Variants in ELAC2 observed in about 807,000 individuals in gnomAD.
ELAC2 encodes zinc phosphodiesterase ELAC protein 2.
In ELAC2, 92 loss-of-function variants were observed where a neutral mutation model predicts 105.2. The ratio of observed to expected loss-of-function variants is 0.87; its 90% CI spans 0.74 to 1.04. The LOEUF is 1.04. Ranked by LOEUF, ELAC2 falls within the 50% of genes least tolerant of loss-of-function variation. The pLI is 0.00. For synonymous variants in ELAC2, 468 were observed against 409.1 expected (o/e 1.14, Z -1.74); for missense variants, 1,099 against 1,071.7 (o/e 1.03, Z -0.36).
At chr17:12,998,220 C>T (rs573893745) in intron 16 of ELAC2, among the ~76,000 whole-genome samples, 192 bp downstream of exon 16, 40 of 140,180 alleles carry the variant, frequency 2.9e-4, no homozygotes, top group African/African-American at 9.4e-4. Flanking sequence ...TTTGGTGATT[C>T]CCAGGGTAAA....
intron 14 of ELAC2, among the ~76,000 whole-genome samples, chr17:13,001,525 T>TAAA (rs1281160487): frequency 6.6e-6 from 1 of 150,804 alleles, no homozygotes; most frequent in African/African-American, 2.4e-5. Flanking sequence ...AATAAATAAA[T>TAAA]TAATTAATTA....
Position 12,994,946 on chromosome 17 carries a change from G to A in ELAC2, c.1908+17C>T, listed in dbSNP as rs1488491273. The A allele has an allele frequency of 1.2e-6, 2 of 1,614,042 alleles. No individual in the cohort carries two copies. Among genetic ancestry groups the A allele is most frequent in the Non-Finnish European group, 1.7e-6 (2 of 1,180,050 alleles). Reference sequence around the variant, plus strand: ...TCCCCACCTCGCCCCCATGATGCCTGCGGCTGTGCCCCTTACCTCTTCCAA... The same window carrying A: ...TCCCCACCTCGCCCCCATGATGCCTACGGCTGTGCCCCTTACCTCTTCCAA... On this transcript the variant is annotated intron_variant, in intron 20 of 23. Coordinates refer to ENST00000338034, the MANE Select transcript of ELAC2 (RefSeq NM_018127.7).
At chr17:12,995,461 A>C (rs1371658570) in intron 19 of ELAC2, among the ~76,000 whole-genome samples, 1 of 152,268 alleles carries the variant, frequency 6.6e-6, no homozygotes, top group Non-Finnish European at 1.5e-5. Flanking sequence ...TTTAGAAAGC[A>C]GCTCAGAACT....
chr17:13,016,745 CAAAAAAAAAA>C, intron 3 of ELAC2, 107 bp downstream of exon 3: 6 of 648,558 alleles, frequency 9.3e-6, no homozygotes, highest in Middle Eastern at 4.2e-4. Flanking sequence ...ACGCCACTGA[CAAAAAAAAAA>C]AAAAAAAAAA....
At chr17:13,009,582 TA>T (rs1432157379) in intron 8 of ELAC2, among the ~76,000 whole-genome samples, 1 of 150,444 alleles carries the variant, frequency 6.6e-6, no homozygotes, top group Non-Finnish European at 1.5e-5. Flanking sequence ...GGGAATGAAA[TA>T]AAGTAAAACA....
Position 13,005,783 on chromosome 17 carries a change from G to T in ELAC2, c.840C>A (p.Asp280Glu), listed in dbSNP as rs369092504. Residue 280 changes from aspartate (D) to glutamate (E), a missense_variant, in exon 10 of 24, where the codon GAC becomes GAA. Asp to Glu is a conservative substitution (Grantham distance 45). Transcript: ENST00000338034. ...TTCCTTCATGAGTGATGCTTTTCCC[G>T]TCCTTGACAGCAGCAATGATGGGAG... Reference protein sequence around the residue: ...AIAPIIAAVKDGKSITHEGRE... With the variant: ...AIAPIIAAVKEGKSITHEGRE... The T allele has an allele frequency of 6.2e-7, 1 of 1,614,042 alleles. No individual in the cohort carries two copies. The highest frequency in any genetic ancestry group is 8.5e-7 in the Non-Finnish European group (1 of 1,180,024).
At chr17:12,998,164 C>T (rs144332060) in intron 16 of ELAC2, among the ~76,000 whole-genome samples, 38 of 152,246 alleles carry the variant, frequency 2.5e-4, no homozygotes, top group African/African-American at 8.7e-4. Context: ...AGGTGTACTG[C>T]CCACAGTAAA....
chr17:12,997,531 G>A (rs1478837289), intron 16 of ELAC2, among the ~76,000 whole-genome samples: 1 of 152,142 alleles, frequency 6.6e-6, no homozygotes, highest in Non-Finnish European at 1.5e-5. Context: ...CAGGGTGTCA[G>A]GTCAAACTCA....
chr17:13,011,956 T>G (rs544370235), intron 6 of ELAC2, among the ~76,000 whole-genome samples, 174 bp from the exon 7 acceptor site: 24 of 152,342 alleles, frequency 1.6e-4, no homozygotes, highest in African/African-American at 5.8e-4. Flanking sequence ...GCTGCACCTA[T>G]GTCCTATTAA....
chr17:13,003,578 G>A lies in ELAC2; in HGVS notation c.984-4C>T, dbSNP rs1375270986. ...GGCATCTGCCTTTCCTTGGTACCTG[G>A]GCAGAAGAGTGGGGCTTTACAAAGT... On this transcript the variant is annotated splice_polypyrimidine_tract_variant and splice_region_variant and intron_variant, in intron 11 of 23. Coordinates refer to ENST00000338034, the MANE Select transcript of ELAC2 (RefSeq NM_018127.7). The A allele has an allele frequency of 3.1e-6, 5 of 1,613,756 alleles. No individual in the cohort carries two copies. Among genetic ancestry groups the A allele is most frequent in the Middle Eastern group, 3.3e-4 (2 of 6,062 alleles).
In ELAC2 at chr17:13,010,581, T is replaced by G. The variant is rs199780356; in HGVS notation, c.738+32A>C. On this transcript the variant is annotated intron_variant, in intron 8 of 23. Coordinates refer to ENST00000338034, the MANE Select transcript of ELAC2 (RefSeq NM_018127.7). The stretch of plus-strand genomic sequence containing the variant: ...CAGAGGTCGCTGACCAAGACCCCAG[T>G]CATGTACAGCCCTCCGGAAAGTCTT... 6.8e-6 allele frequency: 11 copies of G among 1,610,544 alleles called. No individual in the cohort carries two copies. In the African/African-American group the frequency reaches 1.5e-4, roughly 21 times the overall value.
At chr17:13,007,197 CATTTT>C (rs2041158434) in intron 8 of ELAC2, among the ~76,000 whole-genome samples, 1 of 151,636 alleles carries the variant, frequency 6.6e-6, no homozygotes, top group Non-Finnish European at 1.5e-5. Flanking sequence ...ACTTCACAAT[CATTTT>C]ATAGGAAAAA....
In ELAC2 at chr17:13,010,632, A is replaced by G; in HGVS notation, c.719T>C (p.Val240Ala). The G allele has an allele frequency of 1.2e-6, 2 of 1,614,154 alleles. No individual in the cohort carries two copies. Among genetic ancestry groups the G allele is most frequent in the Non-Finnish European group, 1.7e-6 (2 of 1,180,028 alleles). ...QRRGVRDSSL[V>A]VAFICKLHLK... ...CCTTACCTTACAGATGAAAGCTACG[A>G]CCAGGGAAGAGTCCCTGACCCCTCT... Residue 240 changes from valine (V) to alanine (A), a missense_variant, in exon 8 of 24, where the codon GTC becomes GCC. Transcript: ENST00000338034.
chr17:13,000,120 C>T (rs1352315591), intron 15 of ELAC2, 36 bp downstream of exon 15: 1 of 1,591,158 alleles, frequency 6.3e-7, no homozygotes, highest in Non-Finnish European at 8.6e-7. Flanking sequence ...GGGCAGAGCC[C>T]AGGAAAGAAA....
chr17:13,000,046 C>A, intron 15 of ELAC2, 110 bp downstream of exon 15: 1 of 972,748 alleles, frequency 1.0e-6, no homozygotes, highest in Non-Finnish European at 1.6e-6. Flanking sequence ...CTGGATTAGA[C>A]TGAAAAGCCA....
chr17:13,011,687 C>T lies in ELAC2; in HGVS notation c.655G>A (p.Glu219Lys), dbSNP rs2041420498. 1 of 1,614,202 alleles carries T rather than the reference C, an allele frequency of 6.2e-7. No homozygotes were observed. Among genetic ancestry groups the T allele is most frequent in the East Asian group, 2.2e-5 (1 of 44,874 alleles). The change falls in exon 7 of 24, where the codon GAA becomes AAA. Residue 219 changes from glutamate (E) to lysine (K), a missense_variant. By Grantham distance (56) the Glu-to-Lys change is moderately conservative. Coordinates refer to ENST00000338034, the MANE Select transcript of ELAC2 (RefSeq NM_018127.7). ...PERSSDSESN[E>K]NEPHLPHGVS... Reference sequence around the variant, plus strand: ...CCATGTGGAAGGTGTGGCTCATTTTCATTCGACTCGGAGTCTGAAGATCGC... The same window carrying T: ...CCATGTGGAAGGTGTGGCTCATTTTTATTCGACTCGGAGTCTGAAGATCGC...
chr17:13,005,682 A>G, intron 10 of ELAC2, 71 bp downstream of exon 10: 1 of 1,535,044 alleles, frequency 6.5e-7, no homozygotes, highest in South Asian at 1.1e-5. Flanking sequence ...TAGGGCCTGA[A>G]GAAGACAGAC....
chr17:13,013,177 C>A (rs754218461), intron 6 of ELAC2, 30 bp downstream of exon 6: 3 of 1,613,180 alleles, frequency 1.9e-6, no homozygotes, highest in Non-Finnish European at 1.7e-6. Context: ...CGTACACCCT[C>A]CTCCTGGGAA....
intron 1 of ELAC2, 101 bp downstream of exon 1, chr17:13,017,602 T>G (rs2041816949): frequency 1.9e-6 from 3 of 1,579,476 alleles, no homozygotes; most frequent in South Asian, 1.1e-5. Context: ...GTGAACCACA[T>G]GTGTGAAGCA....
Sources: gnomAD v4.1 joint callset for allele counts (sites outside exome capture counted in the v4.1 genomes callset) on GRCh38, gnomAD v4.1.1 for gene constraint, MANE v1.5 for transcripts, NCBI Gene and HGNC (gene_info 2026-07-23, HGNC 2026-07-21) for gene names.